Variants in ZNF423 observed in about 807,000 individuals in gnomAD.
ZNF423 encodes the protein zinc finger protein 423.
Under a neutral mutation model 95.8 loss-of-function variants are expected in ZNF423, and 12 were observed. That is an observed-to-expected ratio of 0.13 (90% confidence interval 0.08 to 0.20). ZNF423 has a LOEUF of 0.20. Ranked by LOEUF, ZNF423 falls within the 10% of genes least tolerant of loss-of-function variation. The pLI is 1.00. For synonymous variants in ZNF423, 749 were observed against 711.9 expected (o/e 1.05, Z -0.83); for missense variants, 1,316 against 1,737.1 (o/e 0.76, Z 4.31).
chr16:49,737,067 C>T (rs1039905800), intron 2 of ZNF423, among the ~76,000 whole-genome samples: 4 of 152,072 alleles, frequency 2.6e-5, no homozygotes, highest in African/African-American at 9.7e-5. Context: ...TACCATTTTA[C>T]ACTCACACTG....
intron 3 of ZNF423, among the ~76,000 whole-genome samples, chr16:49,690,201 G>T (rs1019615691): frequency 1.3e-5 from 2 of 152,220 alleles, no homozygotes; most frequent in African/African-American, 4.8e-5. Context: ...TCACAGAGGG[G>T]TAAACTGTGG....
At chr16:49,699,617 A>G (rs554028024) in intron 3 of ZNF423, among the ~76,000 whole-genome samples, 1 of 152,266 alleles carries the variant, frequency 6.6e-6, no homozygotes, top group East Asian at 1.9e-4. Flanking sequence ...CCTCTTTCCC[A>G]GAGGTGGTAT....
intron 2 of ZNF423, among the ~76,000 whole-genome samples, chr16:49,752,238 T>C (rs897988407): frequency 6.6e-6 from 1 of 152,220 alleles, no homozygotes; most frequent in Non-Finnish European, 1.5e-5. Flanking sequence ...CTGGCTTCCA[T>C]GGCCCCCAGG....
At chr16:49,642,790 G>A (rs558383895) in intron 3 of ZNF423, among the ~76,000 whole-genome samples, 8 of 148,672 alleles carry the variant, frequency 5.4e-5, no homozygotes, top group South Asian at 2.2e-4. Context: ...CAGAGAAAGC[G>A]GTTCTCTTTT....
At chr16:49,765,854 A>T (rs549012167) in intron 2 of ZNF423, among the ~76,000 whole-genome samples, 1 of 152,324 alleles carries the variant, frequency 6.6e-6, no homozygotes, top group Admixed American at 6.5e-5. Flanking sequence ...CTCCACTCAC[A>T]TGAGGGCCTG....
intron 1 of ZNF423, 45 bp from the exon 2 acceptor site, chr16:49,789,591 C>G (rs765112602): frequency 1.3e-6 from 2 of 1,589,406 alleles, no homozygotes; most frequent in Admixed American, 3.6e-5. Flanking sequence ...GAAGGCTGTA[C>G]AAATAGATCA....
intron 5 of ZNF423, among the ~76,000 whole-genome samples, chr16:49,536,307 G>A (rs1281302043): frequency 1.3e-5 from 2 of 151,676 alleles, no homozygotes; most frequent in African/African-American, 2.4e-5. Context: ...CCACCCTCCA[G>A]CTGAAAAAAA....
At chr16:49,501,636 C>G (rs1469827604) in intron 7 of ZNF423, among the ~76,000 whole-genome samples, 1 of 151,972 alleles carries the variant, frequency 6.6e-6, no homozygotes, top group Non-Finnish European at 1.5e-5. Flanking sequence ...AGGCGCCCAC[C>G]AAGAGTGGGT....
intron 7 of ZNF423, among the ~76,000 whole-genome samples, chr16:49,502,075 C>T (rs1250658574): frequency 6.6e-6 from 1 of 152,138 alleles, no homozygotes; most frequent in Admixed American, 6.5e-5. Flanking sequence ...CATAAACTTT[C>T]TTGATGTTTA....
intron 3 of ZNF423, among the ~76,000 whole-genome samples, chr16:49,715,086 G>A (rs189716256): frequency 1.3e-5 from 2 of 152,284 alleles, no homozygotes; most frequent in Non-Finnish European, 2.9e-5. Flanking sequence ...AGTATTCCCT[G>A]AGCATTTACT....
At chr16:49,521,469 C>T (rs73578471) in intron 7 of ZNF423, among the ~76,000 whole-genome samples, 8,192 of 152,186 alleles carry the variant, frequency 0.054, 343 homozygotes, top group African/African-American at 0.11. Flanking sequence ...ATCCAGCACA[C>T]GAGCAGGGAG....
Position 49,497,547 on chromosome 16 carries a change from C to G in ZNF423, c.3850-6243G>C, listed in dbSNP as rs112332485. On this transcript the variant is annotated intron_variant, in intron 7 of 7. Coordinates refer to ENST00000563137, the MANE Select transcript of ZNF423 (RefSeq NM_001379286.1). ...CACACCCAGAGCATCCCACCCTGCT[C>G]TCCCGGCCCCACCTGCAGAGCCACC... Among the ~76,000 whole-genome samples, 582 of 152,328 alleles carry G rather than the reference C, an allele frequency of 3.8e-3. 4 individuals are homozygous for G. Among genetic ancestry groups the G allele is most frequent in the African/African-American group, 0.012 (518 of 41,580 alleles).
chr16:49,741,008 G>A (rs1415467371), intron 2 of ZNF423, among the ~76,000 whole-genome samples: 1 of 152,150 alleles, frequency 6.6e-6, no homozygotes, highest in East Asian at 1.9e-4. Context: ...AGGCTCCGAT[G>A]GCTGAGACAG....
intron 1 of ZNF423, chr16:49,854,380 A>C (rs1176715054): frequency 1.0e-6 from 1 of 985,212 alleles, no homozygotes; most frequent in Non-Finnish European, 1.2e-6. Context: ...GTGTCTCAAG[A>C]TCCTCCTTGC....
chr16:49,610,417 C>T (rs748142918), intron 5 of ZNF423, among the ~76,000 whole-genome samples: 6 of 152,052 alleles, frequency 3.9e-5, no homozygotes, highest in Non-Finnish European at 8.8e-5. Flanking sequence ...AAGGGACCTA[C>T]GGGAGGTAAC....
At chr16:49,780,788 C>T (rs1277581410) in intron 2 of ZNF423, among the ~76,000 whole-genome samples, 1 of 152,246 alleles carries the variant, frequency 6.6e-6, no homozygotes, top group African/African-American at 2.4e-5. Context: ...CCCAGCCGAG[C>T]TAATGAGAAA....
intron 3 of ZNF423, among the ~76,000 whole-genome samples, chr16:49,689,227 A>G (rs1166154000): frequency 6.6e-6 from 1 of 151,252 alleles, no homozygotes; most frequent in Non-Finnish European, 1.5e-5. Flanking sequence ...GGATGGCTTG[A>G]GCCCAGGAGT....
chr16:49,827,821 A>G (rs915990693), intron 1 of ZNF423, among the ~76,000 whole-genome samples: 1 of 152,174 alleles, frequency 6.6e-6, no homozygotes, highest in Non-Finnish European at 1.5e-5. Flanking sequence ...GGGGTAGAGA[A>G]AGAGCTATTC....
intron 5 of ZNF423, among the ~76,000 whole-genome samples, chr16:49,560,743 T>C (rs878862690): frequency 2.0e-5 from 3 of 152,254 alleles, no homozygotes; most frequent in Admixed American, 2.0e-4. Context: ...GCAAACTCGG[T>C]GTAAAAAGAA....
Sources: allele counts gnomAD v4.1 joint callset (sites outside exome capture counted in the v4.1 genomes callset), GRCh38; gene constraint gnomAD v4.1.1; transcripts MANE v1.5; gene names NCBI Gene and HGNC (gene_info 2026-07-23, HGNC 2026-07-21).